PCGF5: variants seen among roughly 807,000 people sequenced by gnomAD.
PCGF5 encodes polycomb group RING finger protein 5.
Under a neutral mutation model 44.3 loss-of-function variants are expected in PCGF5, and 9 were observed. The observed-to-expected ratio is 0.20, with a 90% CI of 0.12 to 0.35. The LOEUF is 0.35. Ranked by LOEUF, PCGF5 falls within the 10% of genes least tolerant of loss-of-function variation. The pLI is 1.00. For synonymous variants in PCGF5, 95 were observed against 102.5 expected (o/e 0.93, Z 0.44); for missense variants, 146 against 305.3 (o/e 0.48, Z 3.89).
chr10:91,256,813 T>C (rs909068356), intron 6 of PCGF5, among the ~76,000 whole-genome samples: 1 of 152,026 alleles, frequency 6.6e-6, no homozygotes, highest in Non-Finnish European at 1.5e-5. Flanking sequence ...AAGAAAACTG[T>C]CAACTAGTTA....
intron 2 of PCGF5, among the ~76,000 whole-genome samples, chr10:91,225,003 T>G (rs1005324912): frequency 6.6e-6 from 1 of 152,070 alleles, no homozygotes; most frequent in Admixed American, 6.6e-5. Context: ...GCAAAAACTG[T>G]CAACTCTGGA....
At chr10:91,157,868 T>C in the PCGF5 span, among the ~76,000 whole-genome samples, 2 of 152,218 alleles carry the variant, frequency 1.3e-5, no homozygotes, top group Admixed American at 6.5e-5. Context: ...TGATCTAGAA[T>C]TAATCCTTTG....
chr10:91,186,304 A>G (rs1485086181), intron 1 of PCGF5, among the ~76,000 whole-genome samples: 1 of 152,186 alleles, frequency 6.6e-6, no homozygotes, highest in Non-Finnish European at 1.5e-5. Context: ...CCAGGTTGCA[A>G]CTGGGATCAC....
chr10:91,240,533 A>G lies in PCGF5; in HGVS notation c.162A>G (p.Pro54=). The change falls in exon 3 of 10, where the codon CCA becomes CCG. Residue 54 remains proline, a synonymous_variant. Transcript: ENST00000336126. The stretch of plus-strand genomic sequence containing the variant: ...ACTTTGAAGATAGCAATGATTGCCC[A>G]AGGTGTGGCAACCAAGTTCATGAGA... The part of the protein sequence containing the change: ...VQHFEDSNDC[P]RCGNQVHETN... 6.2e-7 allele frequency: 1 copy of G among 1,612,074 alleles called. No individual in the cohort carries two copies. Among genetic ancestry groups the G allele is most frequent in the Non-Finnish European group, 8.5e-7 (1 of 1,178,858 alleles).
chr10:91,264,876 A>G (rs892809414), intron 8 of PCGF5, among the ~76,000 whole-genome samples: 2 of 152,162 alleles, frequency 1.3e-5, no homozygotes, highest in African/African-American at 2.4e-5. Context: ...CCCTAATATG[A>G]TTAATGGTTG....
intron 1 of PCGF5, among the ~76,000 whole-genome samples, chr10:91,193,950 AAG>A (rs919594919): frequency 6.6e-6 from 1 of 152,150 alleles, no homozygotes; most frequent in Non-Finnish European, 1.5e-5. Flanking sequence ...TTTGGGATGT[AAG>A]AGAGAGAGGA....
chr10:91,244,715 G>A (rs913726345), intron 3 of PCGF5, among the ~76,000 whole-genome samples: 17 of 152,164 alleles, frequency 1.1e-4, no homozygotes, highest in Non-Finnish European at 4.4e-5. Flanking sequence ...AATATATTTC[G>A]AAAGTAGATC....
rs948345337 is a variant in PCGF5, at chr10:91,281,805, A to C, written c.*3489A>C. 6.6e-6 allele frequency: 1 copy of C among 152,210 alleles called. No individual in the cohort carries two copies. The allele number at this position is 152,210 out of a possible 1,614,324, so 9.4% of individuals were successfully genotyped here. ...GCTTTTCTTGCAATAATCAGAACAC[A>C]CTTCCTTTCAAATATGTTCATTGTT... On this transcript the variant is annotated 3_prime_UTR_variant, in exon 10 of 10. Coordinates refer to ENST00000336126, the MANE Select transcript of PCGF5 (RefSeq NM_032373.5).
At chr10:91,196,313 A>G (rs1442367209) in intron 1 of PCGF5, among the ~76,000 whole-genome samples, 1 of 152,230 alleles carries the variant, frequency 6.6e-6, no homozygotes. Context: ...CCAATAAACC[A>G]TAATCAGACC....
At chr10:91,197,279 A>C (rs1004837192) in intron 1 of PCGF5, among the ~76,000 whole-genome samples, 14 of 152,116 alleles carry the variant, frequency 9.2e-5, no homozygotes, top group African/African-American at 3.4e-4. Flanking sequence ...GCTGACTGTC[A>C]TGTCCTGGGT....
chr10:91,188,182 C>A (rs1405039090), intron 1 of PCGF5, among the ~76,000 whole-genome samples: 1 of 152,202 alleles, frequency 6.6e-6, no homozygotes, highest in Non-Finnish European at 1.5e-5. Context: ...GTTCATCTCA[C>A]TAGGGAGTAC....
chr10:91,280,223 A>G lies in PCGF5; in HGVS notation c.*1907A>G, dbSNP rs1846419876. On this transcript the variant is annotated 3_prime_UTR_variant, in exon 10 of 10. Transcript: ENST00000336126. ...TCCCTAAGAACTTTTACAAATTATT[A>G]TAAATTTGTCACACCTAGGTCAGCG... is the stretch of plus-strand genomic sequence containing the variant. 6.6e-6 allele frequency: 1 copy of G among 152,066 alleles called. No homozygotes were observed. Among genetic ancestry groups the G allele is most frequent in the South Asian group, 2.1e-4 (1 of 4,834 alleles). 9.4% of individuals were successfully genotyped at this position (152,066 alleles called of 1,614,324 possible).
Position 91,220,827 on chromosome 10 carries a change from C to T in PCGF5, c.-193C>T. On this transcript the variant is annotated 5_prime_UTR_variant, in exon 1 of 10. Coordinates refer to ENST00000336126, the MANE Select transcript of PCGF5 (RefSeq NM_032373.5). Reference sequence around the variant, plus strand: ...GGCGGGCGAGGAGCGGCGGCGGTGGCGGCCGCTGGGTAGGTACCGGGCGGG... The same window carrying T: ...GGCGGGCGAGGAGCGGCGGCGGTGGTGGCCGCTGGGTAGGTACCGGGCGGG... The T allele has an allele frequency of 6.5e-6, 1 of 153,988 alleles. No individual in the cohort carries two copies. Among genetic ancestry groups the T allele is most frequent in the Non-Finnish European group, 1.4e-5 (1 of 69,708 alleles). The allele number at this position is 153,988 out of a possible 1,614,324, so 9.5% of individuals were successfully genotyped here.
chr10:91,203,309 C>T (rs1844286479), intron 1 of PCGF5, among the ~76,000 whole-genome samples: 1 of 152,080 alleles, frequency 6.6e-6, no homozygotes, highest in South Asian at 2.1e-4. Context: ...CTTAAGACAC[C>T]AGCCAAGGAT....
intron 7 of PCGF5, among the ~76,000 whole-genome samples, chr10:91,262,256 T>C (rs534018495): frequency 2.0e-5 from 3 of 152,172 alleles, no homozygotes; most frequent in African/African-American, 7.2e-5. Context: ...TAAAACCCTG[T>C]GTGTTCTAAA....
Position 91,251,542 on chromosome 10 carries a change from G to A in PCGF5, c.474+102G>A, listed in dbSNP as rs939959318. On this transcript the variant is annotated intron_variant, in intron 6 of 9. Transcript: ENST00000336126. The stretch of plus-strand genomic sequence containing the variant: ...ATGCTTCAAAATGTTTGCTTTCAAA[G>A]TTTTAATTAACATAATTAAATAAAA... 8.0e-6 allele frequency: 9 copies of A among 1,127,756 alleles called. 1 individual carries two copies. Among genetic ancestry groups the A allele is most frequent in the African/African-American group, 6.4e-5 (4 of 62,892 alleles). 69.9% of individuals were successfully genotyped at this position (1,127,756 alleles called of 1,614,324 possible).
chr10:91,274,992 A>G (rs1294994082), intron 9 of PCGF5, among the ~76,000 whole-genome samples: 1 of 152,206 alleles, frequency 6.6e-6, no homozygotes, highest in Non-Finnish European at 1.5e-5. Context: ...ATGATACTAT[A>G]AAAGATCAAG....
chr10:91,266,931 C>G (rs1846060163), intron 8 of PCGF5, among the ~76,000 whole-genome samples: 1 of 152,180 alleles, frequency 6.6e-6, no homozygotes, highest in Non-Finnish European at 1.5e-5. Context: ...CTTGTCCCAC[C>G]TCTATCTTCA....
At chr10:91,190,091 A>G (rs969786230) in intron 1 of PCGF5, among the ~76,000 whole-genome samples, 1 of 152,172 alleles carries the variant, frequency 6.6e-6, no homozygotes, top group Non-Finnish European at 1.5e-5. Flanking sequence ...AAGGTTGGAA[A>G]ACCCAACATC....
Sources: gnomAD v4.1 joint callset for allele counts (sites outside exome capture counted in the v4.1 genomes callset) on GRCh38, gnomAD v4.1.1 for gene constraint, MANE v1.5 for transcripts, NCBI Gene and HGNC (gene_info 2026-07-23, HGNC 2026-07-21) for gene names.